Variants in OVOL2 observed in about 807,000 individuals in gnomAD.
OVOL2 encodes the protein transcription factor Ovo-like 2.
A neutral mutation model predicts 18.1 loss-of-function variants in OVOL2; 13 were observed. The observed-to-expected ratio is 0.72, with a 90% CI of 0.47 to 1.14. The LOEUF is 1.14. Among genes scored for constraint, OVOL2 ranks in the 50% most tolerant of loss-of-function variants. OVOL2 has a pLI of 0.00. For missense variants in OVOL2, 335 were observed against 383.0 expected, an observed-to-expected ratio of 0.87 and a Z score of 1.05; for synonymous variants, 166 against 162.7, an observed-to-expected ratio of 1.02 and a Z score of -0.16.
intron 3 of OVOL2, among the ~76,000 whole-genome samples, chr20:18,027,817 G>A (rs1322071049): frequency 2.6e-5 from 4 of 151,994 alleles, no homozygotes; most frequent in Admixed American, 6.6e-5. Flanking sequence ...GGATGGTCTC[G>A]ATCTCCCGAC....
At chr20:18,043,571 C>T (rs982018144) in intron 2 of OVOL2, among the ~76,000 whole-genome samples, 8 of 152,130 alleles carry the variant, frequency 5.3e-5, no homozygotes, top group African/African-American at 1.2e-4. Flanking sequence ...CTGAATGAGT[C>T]GCCCCCACTA....
In OVOL2 at chr20:18,057,447, C is replaced by T. The variant is rs2122733354; in HGVS notation, c.100+88G>A. Reference sequence around the variant, plus strand: ...GAAGAGGGGGATGAGGTGGGGAGCCCGCCCCTGCCGATGAGCAGAGAAGAC... The same window carrying T: ...GAAGAGGGGGATGAGGTGGGGAGCCTGCCCCTGCCGATGAGCAGAGAAGAC... On this transcript the variant is annotated intron_variant, in intron 1 of 3. Transcript: ENST00000278780. The surrounding 1 kb of genome is among the most constrained non-coding windows in gnomAD (Gnocchi z 6.3). 2.1e-6 allele frequency: 3 copies of T among 1,442,892 alleles called. No individual in the cohort carries two copies. The South Asian group carries it at 3.8e-5, about 18-fold the overall frequency. The allele number at this position is 1,442,892 out of a possible 1,614,324, so 89.4% of individuals were successfully genotyped here. A position where few individuals can be genotyped will look rare whatever the true frequency, so the allele number is the denominator to read the frequency against.
chr20:18,033,384 A>G (rs2036587587), intron 3 of OVOL2, among the ~76,000 whole-genome samples: 1 of 152,132 alleles, frequency 6.6e-6, no homozygotes, highest in South Asian at 2.1e-4. Flanking sequence ...TGCCTCCTTT[A>G]TTCCAGCCAG....
At chr20:18,029,526 C>T (rs188231964) in intron 3 of OVOL2, among the ~76,000 whole-genome samples, 14 of 152,228 alleles carry the variant, frequency 9.2e-5, no homozygotes, top group African/African-American at 2.9e-4. Flanking sequence ...TCTGGAGAGA[C>T]GGTCTGGAGG....
Position 18,024,529 on chromosome 20 carries a change from T to A in OVOL2, c.*107A>T. On this transcript the variant is annotated 3_prime_UTR_variant, in exon 4 of 4. Coordinates refer to ENST00000278780, the MANE Select transcript of OVOL2 (RefSeq NM_021220.4). ...GTTTCAAAAGGACACAGAGGTGAACTGGTCACTTCTAATTAAGAAGAGCCA... is the reference window on the plus strand; with the variant it reads ...GTTTCAAAAGGACACAGAGGTGAACAGGTCACTTCTAATTAAGAAGAGCCA... 1 of 1,454,356 alleles carries A rather than the reference T, an allele frequency of 6.9e-7. No individual in the cohort carries two copies. Among genetic ancestry groups the A allele is most frequent in the South Asian group, 1.5e-5 (1 of 67,806 alleles). The allele number at this position is 1,454,356 out of a possible 1,614,324, so 90.1% of individuals were successfully genotyped here. A position where few individuals can be genotyped will look rare whatever the true frequency, so the allele number is the denominator to read the frequency against.
intron 2 of OVOL2, among the ~76,000 whole-genome samples, chr20:18,044,379 C>A (rs2122713953): frequency 6.6e-6 from 1 of 152,302 alleles, no homozygotes; most frequent in South Asian, 2.1e-4. Flanking sequence ...TTCCTGCCTC[C>A]CTACCCACTG....
Position 18,056,794 on chromosome 20 carries a change from C to CGCTGCT in OVOL2, c.178_183dup (p.Ser60_Ser61dup), listed in dbSNP as rs1241458196. 5.9e-5 allele frequency: 88 copies of CGCTGCT among 1,497,158 alleles called. No homozygotes were observed. Among genetic ancestry groups the CGCTGCT allele is most frequent in the Non-Finnish European group, 7.3e-5 (82 of 1,130,764 alleles). 92.7% of individuals were successfully genotyped at this position (1,497,158 alleles called of 1,614,324 possible). A position where few individuals can be genotyped will look rare whatever the true frequency, so the allele number is the denominator to read the frequency against. On this transcript the variant is annotated inframe_insertion, in exon 2 of 4. Transcript: ENST00000278780. This position sits in a 1 kb window ranked among gnomAD's most constrained non-coding sequence, Gnocchi z 4.2. ...CTCTCTGCTCCTCCAGGCTCCCCCG[C>CGCTGCT]GCTGCTGCTGCCGCTGCCGCTGCTG...
Position 18,056,946 on chromosome 20 carries a change from C to G in OVOL2, c.101-69G>C. On this transcript the variant is annotated intron_variant, in intron 1 of 3. Transcript: ENST00000278780. The surrounding 1 kb of genome is among the most constrained non-coding windows in gnomAD (Gnocchi z 4.2). ...AACCCGCACGCCCGCGGCAGTTTGA[C>G]CTGCGGGCGGTGCTGCCGCCGCCCC... 7.2e-7 allele frequency: 1 copy of G among 1,397,720 alleles called. No homozygotes were observed. Among genetic ancestry groups the G allele is most frequent in the Non-Finnish European group, 9.2e-7 (1 of 1,085,808 alleles). The allele number at this position is 1,397,720 out of a possible 1,614,324, so 86.6% of individuals were successfully genotyped here. A position where few individuals can be genotyped will look rare whatever the true frequency, so the allele number is the denominator to read the frequency against.
At chr20:18,041,976 T>C (rs2036675681) in intron 2 of OVOL2, among the ~76,000 whole-genome samples, 1 of 150,072 alleles carries the variant, frequency 6.7e-6, no homozygotes, top group African/African-American at 2.5e-5. Context: ...AGTGGCTCGA[T>C]CTCAGCTCAC....
At chr20:18,026,434 T>A (rs6080942) in intron 3 of OVOL2, among the ~76,000 whole-genome samples, 19,903 of 147,654 alleles carry the variant, frequency 0.13, 1,518 homozygotes, top group East Asian at 0.32. Context: ...CAGGTTGGAG[T>A]GCAGTGGCGC....
rs745367889 is a variant in OVOL2, at chr20:18,054,766, C to CAAA, written c.321+1888_321+1890dup. On this transcript the variant is annotated intron_variant, in intron 2 of 3. Transcript: ENST00000278780. ...GGGCAACAACAGCGAAACTCCATCT[C>CAAA]AAAAAAAAAAAAAAAAGAAAGAAAA... 1.5e-3 allele frequency among the ~76,000 whole-genome samples: 93 copies of CAAA among 63,432 alleles called. 1 individual carries two copies. Among genetic ancestry groups the CAAA allele is most frequent in the African/African-American group, 3.9e-3 (55 of 14,188 alleles). The allele number at this position is 63,432 out of a possible 152,430, so 41.6% of individuals were successfully genotyped here.
chr20:18,053,829 G>A (rs760843081), intron 2 of OVOL2, among the ~76,000 whole-genome samples: 18 of 151,970 alleles, frequency 1.2e-4, no homozygotes, highest in Non-Finnish European at 2.1e-4. Context: ...ACCCTGTCCT[G>A]GTTACATTTC....
chr20:18,048,282 C>T (rs1354687944), intron 2 of OVOL2, among the ~76,000 whole-genome samples: 5 of 151,764 alleles, frequency 3.3e-5, no homozygotes, highest in Admixed American at 1.3e-4. Context: ...GCAAGACTGT[C>T]TCAAAAGAAG....
chr20:18,037,135 CAAAAA>C lies in OVOL2; in HGVS notation c.511+4394_511+4398del, dbSNP rs762848266. Among the ~76,000 whole-genome samples the C allele has an allele frequency of 6.7e-4, 49 of 73,394 alleles. 2 individuals carry two copies. The South Asian group carries it at 0.019, about 29-fold the overall frequency. The allele number at this position is 73,394 out of a possible 152,430, so 48.1% of individuals were successfully genotyped here. Reference sequence around the variant, plus strand: ...TGGGCGACAGAGCGAGACTCCGTCTCAAAAAAAAAAAAAAAAAAGAAAGAAACTGC... The same window carrying C: ...TGGGCGACAGAGCGAGACTCCGTCTCAAAAAAAAAAAAAGAAAGAAACTGC... On this transcript the variant is annotated intron_variant, in intron 3 of 3. Coordinates refer to ENST00000278780, the MANE Select transcript of OVOL2 (RefSeq NM_021220.4).
Position 18,032,812 on chromosome 20 carries a change from A to T in OVOL2, c.512-7860T>A, listed in dbSNP as rs540967788. The stretch of plus-strand genomic sequence containing the variant: ...GTGAGCCACCGCACCTAGCTCCAAG[A>T]TATATATTATGTGAAAAAGCAATAT... On this transcript the variant is annotated intron_variant, in intron 3 of 3. Transcript: ENST00000278780. Among the ~76,000 whole-genome samples, 25 of 152,198 alleles carry T rather than the reference A, an allele frequency of 1.6e-4. No individual in the cohort carries two copies. In the South Asian group the frequency reaches 2.3e-3, roughly 14 times the overall value.
intron 2 of OVOL2, among the ~76,000 whole-genome samples, chr20:18,052,959 A>G (rs1051879733): frequency 1.3e-5 from 2 of 152,206 alleles, no homozygotes; most frequent in Non-Finnish European, 2.9e-5. Context: ...CACAAAAGGG[A>G]CCTGCCATGC....
chr20:18,024,332 C>A lies in OVOL2; in HGVS notation c.*304G>T, dbSNP rs549961515. On this transcript the variant is annotated 3_prime_UTR_variant, in exon 4 of 4. Coordinates refer to ENST00000278780, the MANE Select transcript of OVOL2 (RefSeq NM_021220.4). ...TCTCTCTAAGAAATACCTCTCCTTC[C>A]GTGTGTGAAAATCCTTGGGGGAAAA... The A allele has an allele frequency of 9.5e-6, 3 of 316,062 alleles. No individual in the cohort carries two copies. Among genetic ancestry groups the A allele is most frequent in the African/African-American group, 4.1e-5 (2 of 48,256 alleles). 19.6% of individuals were successfully genotyped at this position (316,062 alleles called of 1,614,324 possible). A position where few individuals can be genotyped will look rare whatever the true frequency, so the allele number is the denominator to read the frequency against.
intron 3 of OVOL2, among the ~76,000 whole-genome samples, chr20:18,028,627 T>C (rs1057053395): frequency 1.1e-4 from 16 of 152,144 alleles, no homozygotes; most frequent in Non-Finnish European, 1.5e-4. Context: ...ACCCCGTCTC[T>C]AGTAAAAATA....
At position 18,056,226 on chromosome 20, in the gene OVOL2, C is replaced by G. The variant is rs1000199117; in HGVS notation, c.321+431G>C. 4.6e-5 allele frequency among the ~76,000 whole-genome samples: 7 copies of G among 152,298 alleles called. No individual in the cohort carries two copies. Among genetic ancestry groups the G allele is most frequent in the African/African-American group, 1.7e-4 (7 of 41,574 alleles). On this transcript the variant is annotated intron_variant, in intron 2 of 3. Transcript: ENST00000278780. The surrounding 1 kb of genome is among the most constrained non-coding windows in gnomAD (Gnocchi z 4.2). ...GGGGGGTGAACTCTCAGAATCGCGG[C>G]GCCAGGAACTGCGTCCCAGAGGGTG...
Sources: allele counts gnomAD v4.1 joint callset (sites outside exome capture counted in the v4.1 genomes callset), GRCh38; gene constraint gnomAD v4.1.1; non-coding constraint Gnocchi (gnomAD v3.1); transcripts MANE v1.5; gene names NCBI Gene and HGNC (gene_info 2026-07-23, HGNC 2026-07-21).